The following KIF1B variants were observed in gnomAD, a reference collection of about 807,000 sequenced individuals.
The protein encoded by KIF1B is kinesin-like protein KIF1B.
A neutral mutation model predicts 241.9 loss-of-function variants in KIF1B; 76 were observed. The ratio of observed to expected loss-of-function variants is 0.31; its 90% CI spans 0.26 to 0.38. The LOEUF (loss-of-function observed/expected upper bound fraction) is 0.38, where lower values mean the gene tolerates loss of function less well. KIF1B is among the 10% of genes least tolerant of loss of function. The pLI, the probability that KIF1B is intolerant of heterozygous loss-of-function variation, is 1.00. For missense variants in KIF1B, 1,622 were observed against 2,271.4 expected (o/e 0.71, Z 5.81); for synonymous variants, 750 against 796.7 (o/e 0.94, Z 0.99).
intron 1 of KIF1B, among the ~76,000 whole-genome samples, chr1:10,221,859 A>G (rs1477357989): frequency 6.6e-6 from 1 of 152,248 alleles, no homozygotes; most frequent in South Asian, 2.1e-4. Context: ...TCTGTCGCCC[A>G]GGTTGGAGTG....
rs1443116856 is a variant in KIF1B at position 10,282,427 on chromosome 1, C to T, written c.1328C>T (p.Pro443Leu). The change falls in exon 15 of 49, where the codon CCA becomes CTA. Residue 443 changes from proline (P) to leucine (L), a missense_variant. Physicochemically the swap from Pro to Leu is moderately conservative, Grantham distance 98 (BLOSUM62 -3). This residue lies in a region of KIF1B where 201 missense variants were observed against 301.2 expected (regional missense o/e 0.67). Transcript: ENST00000676179. ...TASMGSLTSS[P>L]SSCSLSSQVG... The stretch of plus-strand genomic sequence containing the variant: ...TCCATGGGGTCCCTCACTTCATCCC[C>T]ATCTTCCTGCTCACTCAGTAGTCAG... 1.2e-6 allele frequency: 2 copies of T among 1,614,160 alleles called. No homozygotes were observed. The highest frequency in any genetic ancestry group is 1.1e-5 in the South Asian group (1 of 91,088).
At chr1:10,229,867 C>CAAAAAAAAAAAAAAAAAAAAAAAAA (rs58923572) in intron 1 of KIF1B, among the ~76,000 whole-genome samples, 2 of 56,454 alleles carry the variant, frequency 3.5e-5, no homozygotes, top group African/African-American at 9.2e-5. Context: ...GACTCCGTCT[C>CAAAAAAAAAAAAAAAAAAAAAAAAA]AAAAAAAAAA....
intron 10 of KIF1B, among the ~76,000 whole-genome samples, chr1:10,274,017 A>G (rs1004114259): frequency 2.1e-4 from 32 of 148,860 alleles, no homozygotes; most frequent in African/African-American, 4.0e-4. Context: ...GCTCAGTGCA[A>G]CCTCCACCTT....
At chr1:10,214,231 T>C (rs765381277) in intron 1 of KIF1B, among the ~76,000 whole-genome samples, 2 of 152,124 alleles carry the variant, frequency 1.3e-5, no homozygotes, top group Non-Finnish European at 2.9e-5. Context: ...TGAGGGTGCA[T>C]GTAGAGATTT....
intron 3 of KIF1B, 129 bp downstream of exon 3, chr1:10,256,452 C>A (rs1647786159): frequency 4.1e-6 from 3 of 739,184 alleles, no homozygotes; most frequent in Non-Finnish European, 7.4e-6. Context: ...TGAGTTCATT[C>A]TTTGATACAG....
At chr1:10,355,542 T>C (rs1410443095) in intron 38 of KIF1B, 1 of 152,656 alleles carries the variant, frequency 6.6e-6, no homozygotes, top group Non-Finnish European at 1.5e-5. Context: ...TTCTGTACCC[T>C]AAGAAGCGTA....
chr1:10,215,138 TTATATA>T (rs1162229178), intron 1 of KIF1B, among the ~76,000 whole-genome samples: 1,358 of 59,512 alleles, frequency 0.023, 29 homozygotes, highest in Middle Eastern at 0.065. Context: ...TTTATATATT[TTATATA>T]TATATATATA....
intron 43 of KIF1B, among the ~76,000 whole-genome samples, chr1:10,366,827 C>T (rs914938029): frequency 6.6e-6 from 1 of 151,978 alleles, no homozygotes; most frequent in African/African-American, 2.4e-5. Flanking sequence ...AAAAATTAGC[C>T]GAACGTGGTG....
At chr1:10,266,717 A>T (rs929762026) in intron 5 of KIF1B, among the ~76,000 whole-genome samples, 1 of 152,226 alleles carries the variant, frequency 6.6e-6, no homozygotes, top group Non-Finnish European at 1.5e-5. Context: ...CCAGTTACTG[A>T]CAACAGTATA....
intron 4 of KIF1B, among the ~76,000 whole-genome samples, chr1:10,259,189 G>A (rs1013952): frequency 0.34 from 50,370 of 148,404 alleles, 8,645 homozygotes; most frequent in Admixed American, 0.38. Context: ...GTATTATTGG[G>A]TTTGATCCTT....
intron 33 of KIF1B, among the ~76,000 whole-genome samples, chr1:10,342,569 G>A (rs1015997928): frequency 1.3e-5 from 2 of 152,220 alleles, no homozygotes; most frequent in Non-Finnish European, 2.9e-5. Flanking sequence ...GAGTGTTGGT[G>A]TTGGCAGAAG....
chr1:10,220,955 G>A (rs1446171612), intron 1 of KIF1B, among the ~76,000 whole-genome samples: 3 of 151,612 alleles, frequency 2.0e-5, no homozygotes, highest in Non-Finnish European at 4.4e-5. Context: ...GTGCCACTGT[G>A]CCTAGCCAGA....
intron 37 of KIF1B, among the ~76,000 whole-genome samples, chr1:10,348,980 G>A (rs1374985103): frequency 6.6e-6 from 1 of 152,172 alleles, no homozygotes; most frequent in Admixed American, 6.5e-5. Context: ...CATGGAATGT[G>A]TAGAAGACCA....
rs528937173 is a variant in KIF1B, at chr1:10,337,919, T to C, written c.3422+386T>C. Among the ~76,000 whole-genome samples, 1 of 152,288 alleles carries C rather than the reference T, an allele frequency of 6.6e-6. No individual in the cohort carries two copies. Among genetic ancestry groups the C allele is most frequent in the South Asian group, 2.1e-4 (1 of 4,818 alleles). On this transcript the variant is annotated intron_variant, in intron 31 of 48. Transcript: ENST00000676179. This position sits in a 1 kb window ranked among gnomAD's most constrained non-coding sequence, Gnocchi z 4.0. ...GCTAGCAATTACGCCTATTTAATAC[T>C]CGGGAAAAGGAAAATTTAAACAATG...
chr1:10,356,894 G>A (rs1034025231), intron 38 of KIF1B, among the ~76,000 whole-genome samples: 7 of 133,948 alleles, frequency 5.2e-5, no homozygotes, highest in Admixed American at 2.4e-4. Context: ...GCTAGACTCC[G>A]TCTCTAAATA....
chr1:10,215,170 A>AT (rs1437007597), intron 1 of KIF1B, among the ~76,000 whole-genome samples: 50 of 50,252 alleles, frequency 9.9e-4, no homozygotes, highest in African/African-American at 3.7e-3. Context: ...ATATATATAT[A>AT]TATTTTTTTT....
At chr1:10,353,104 T>C (rs924726202) in intron 38 of KIF1B, among the ~76,000 whole-genome samples, 1 of 152,182 alleles carries the variant, frequency 6.6e-6, no homozygotes, top group Non-Finnish European at 1.5e-5. Context: ...TCCTGTGAAA[T>C]GGTTGCTGTG....
At chr1:10,255,029 A>G (rs537363170) in intron 2 of KIF1B, among the ~76,000 whole-genome samples, 1 of 151,760 alleles carries the variant, frequency 6.6e-6, no homozygotes, top group South Asian at 2.1e-4. Context: ...GCTCAGTGCA[A>G]CCTCTGCCTC....
At position 10,221,482 on chromosome 1, in the gene KIF1B, A is replaced by G. The variant is rs185602271; in HGVS notation, c.-80+10604A>G. Among the ~76,000 whole-genome samples the G allele has an allele frequency of 1.8e-3, 269 of 152,310 alleles. 1 individual carries two copies. Among genetic ancestry groups the G allele is most frequent in the African/African-American group, 6.2e-3 (259 of 41,576 alleles). On this transcript the variant is annotated intron_variant, in intron 1 of 48. Transcript: ENST00000676179. ...ATTCAGAGTCAAAAATCAAGAATAA[A>G]TAGTGACTACATACAGACCCACACA... is the stretch of plus-strand genomic sequence containing the variant.
Sources: allele counts gnomAD v4.1 joint callset (sites outside exome capture counted in the v4.1 genomes callset), GRCh38; gene constraint gnomAD v4.1.1; regional missense constraint gnomAD v4.1.1; non-coding constraint Gnocchi (gnomAD v3.1); transcripts MANE v1.5; gene names NCBI Gene and HGNC (gene_info 2026-07-23, HGNC 2026-07-21).